Variants in DNAH11 observed in about 807,000 individuals in gnomAD.
DNAH11 encodes axonemal beta dynein heavy chain 11.
A neutral mutation model predicts 526.0 loss-of-function variants in DNAH11; 442 were observed. The ratio of observed to expected loss-of-function variants is 0.84; its 90% CI spans 0.78 to 0.91. The LOEUF (loss-of-function observed/expected upper bound fraction) is 0.91. Ranked by LOEUF, DNAH11 falls within the 40% of genes least tolerant of loss-of-function variation. DNAH11 has a pLI of 0.00. For synonymous variants in DNAH11, 2,461 were observed against 1,935.9 expected (o/e 1.27, Z -7.12); for missense variants, 6,989 against 5,448.7 (o/e 1.28, Z -8.90).
intron 61 of DNAH11, among the ~76,000 whole-genome samples, chr7:21,789,862 CCTTCCT>C (rs1257067912): frequency 6.9e-4 from 46 of 66,576 alleles, no homozygotes; most frequent in East Asian, 1.8e-3. Flanking sequence ...CTCTCTCCTT[CCTTCCT>C]TTTCTTTCTT....
intron 14 of DNAH11, among the ~76,000 whole-genome samples, chr7:21,595,864 T>C (rs573261297): frequency 6.6e-6 from 1 of 151,538 alleles, no homozygotes; most frequent in African/African-American, 2.4e-5. Flanking sequence ...CCACCATTCT[T>C]CTCTTAGGAG....
chr7:21,576,799 TATG>T (rs1159818306), intron 8 of DNAH11, among the ~76,000 whole-genome samples: 13 of 152,204 alleles, frequency 8.5e-5, no homozygotes, highest in African/African-American at 1.2e-4. Context: ...GTATATATAT[TATG>T]ATGTTTATAA....
Position 21,778,963 on chromosome 7 carries a change from A to G in DNAH11, c.9342A>G (p.Gly3114=). The change falls in exon 57 of 82, where the codon GGA becomes GGG. Residue 3114 remains glycine, a synonymous_variant. Transcript: ENST00000409508. The part of the protein sequence containing the change: ...QKLKTTASQV[G]DLKARLASQE... ...AATAATGACTTTTGCTTTAGGTGGG[A>G]GATCTAAAAGCCAGACTTGCCTCTC... 2 of 1,612,960 alleles carry G rather than the reference A, an allele frequency of 1.2e-6. No homozygotes were observed. Among genetic ancestry groups the G allele is most frequent in the Middle Eastern group, 3.3e-4 (2 of 6,054 alleles).
chr7:21,730,483 A>G (rs1341050305), intron 45 of DNAH11, among the ~76,000 whole-genome samples: 2 of 152,252 alleles, frequency 1.3e-5, no homozygotes, highest in African/African-American at 4.8e-5. Context: ...CAAACATTTC[A>G]GATAAGGGAT....
chr7:21,652,643 A>G lies in DNAH11; in HGVS notation c.4945-3189A>G, dbSNP rs576740448. Among the ~76,000 whole-genome samples, 10 of 152,290 alleles carry G rather than the reference A, an allele frequency of 6.6e-5. No individual in the cohort carries two copies. The East Asian group carries it at 1.9e-3, about 29-fold the overall frequency. On this transcript the variant is annotated intron_variant, in intron 28 of 81. Coordinates refer to ENST00000409508, the MANE Select transcript of DNAH11 (RefSeq NM_001277115.2). ...CATTGTCCCATCGTAGGTTTCTCCC[A>G]TTGATCATTCAGATTGCATAACGTG...
chr7:21,717,443 C>T (rs1784709132), intron 42 of DNAH11, among the ~76,000 whole-genome samples: 1 of 152,148 alleles, frequency 6.6e-6, no homozygotes, highest in South Asian at 2.1e-4. Context: ...ATAAGGCCTA[C>T]ACTATGGGAA....
In DNAH11 at chr7:21,589,344, C is replaced by G. The variant is rs778456271; in HGVS notation, c.2110C>G (p.Gln704Glu). Residue 704 changes from glutamine (Q) to glutamate (E), a missense_variant, in exon 12 of 82, where the codon CAA (glutamine) becomes GAA (glutamate). Physicochemically the swap from Gln to Glu is conservative, Grantham distance 29. Coordinates refer to ENST00000409508, the MANE Select transcript of DNAH11 (RefSeq NM_001277115.2). The part of the protein sequence containing the change: ...VDEICEFNLN[Q>E]PLVKFSAING... Reference sequence around the variant, plus strand: ...TGAAATCTGTGAATTCAATTTGAATCAACCCTTGGTTAAATTCAGTGCCAT... The same window carrying G: ...TGAAATCTGTGAATTCAATTTGAATGAACCCTTGGTTAAATTCAGTGCCAT... 3.1e-6 allele frequency: 5 copies of G among 1,609,568 alleles called. No homozygotes were observed. Among genetic ancestry groups the G allele is most frequent in the Non-Finnish European group, 4.2e-6 (5 of 1,178,188 alleles).
chr7:21,812,448 C>T (rs1443769479), intron 63 of DNAH11, among the ~76,000 whole-genome samples: 1 of 151,942 alleles, frequency 6.6e-6, no homozygotes, highest in Admixed American at 6.6e-5. Flanking sequence ...GCAAGAGGAT[C>T]TCTTGAGGCC....
intron 2 of DNAH11, among the ~76,000 whole-genome samples, chr7:21,552,846 G>C (rs966348908): frequency 1.3e-5 from 2 of 152,084 alleles, no homozygotes; most frequent in Non-Finnish European, 2.9e-5. Flanking sequence ...TGTTCATAGG[G>C]TATCTTACTG....
chr7:21,588,349 G>T, intron 10 of DNAH11, 148 bp downstream of exon 10: 2 of 1,328,658 alleles, frequency 1.5e-6, no homozygotes, highest in African/African-American at 2.9e-5. Context: ...CATGGAGATG[G>T]TAAACTTGCT....
Position 21,890,040 on chromosome 7 carries a change from G to C in DNAH11, c.12508-2385G>C, listed in dbSNP as rs1047019444. Among the ~76,000 whole-genome samples the C allele has an allele frequency of 4.6e-5, 7 of 152,116 alleles. No homozygotes were observed. The South Asian group carries it at 8.3e-4, about 18-fold the overall frequency. ...ATACTAAAATCAAGTCTGCTGCTAG[G>C]GTACGAGGAAGACCAAAACTTACAT... On this transcript the variant is annotated intron_variant, in intron 76 of 81. Transcript: ENST00000409508.
At chr7:21,767,383 G>T (rs998415691) in intron 55 of DNAH11, among the ~76,000 whole-genome samples, 3 of 152,092 alleles carry the variant, frequency 2.0e-5, no homozygotes, top group South Asian at 2.1e-4. Context: ...TTGCTACTCT[G>T]TGCAGGCTTT....
intron 61 of DNAH11, 32 bp from the exon 62 acceptor site, chr7:21,801,105 A>C (rs777847103): frequency 6.3e-7 from 1 of 1,578,256 alleles, no homozygotes; most frequent in Admixed American, 1.8e-5. Context: ...TTAACTAAAA[A>C]TGACTCAAAA....
intron 61 of DNAH11, among the ~76,000 whole-genome samples, chr7:21,795,880 A>G (rs755639091): frequency 2.0e-5 from 3 of 152,204 alleles, no homozygotes; most frequent in Non-Finnish European, 1.5e-5. Flanking sequence ...TTGGAGGAGC[A>G]GTTTCCTCTT....
intron 74 of DNAH11, among the ~76,000 whole-genome samples, chr7:21,875,846 G>A (rs2390595): frequency 0.44 from 65,431 of 148,386 alleles, 15,869 homozygotes; most frequent in African/African-American, 0.65. Flanking sequence ...TTTATTAGAA[G>A]GGCTTTTAGG....
At chr7:21,837,039 G>C (rs1195888530) in intron 65 of DNAH11, among the ~76,000 whole-genome samples, 1 of 151,936 alleles carries the variant, frequency 6.6e-6, no homozygotes, top group Non-Finnish European at 1.5e-5. Flanking sequence ...AAACCATAAT[G>C]AAATATCATT....
intron 25 of DNAH11, among the ~76,000 whole-genome samples, chr7:21,633,317 A>G (rs999919643): frequency 1.3e-5 from 2 of 152,202 alleles, no homozygotes; most frequent in Non-Finnish European, 2.9e-5. Flanking sequence ...GTCGATGTCC[A>G]TTAGGTCTAT....
At chr7:21,705,177 C>G (rs1030428260) in intron 38 of DNAH11, among the ~76,000 whole-genome samples, 2 of 152,110 alleles carry the variant, frequency 1.3e-5, no homozygotes, top group African/African-American at 4.8e-5. Context: ...AGTGTTTGTT[C>G]AAAACTCATG....
chr7:21,797,167 C>G (rs1788756106), intron 61 of DNAH11, among the ~76,000 whole-genome samples: 1 of 151,672 alleles, frequency 6.6e-6, no homozygotes, highest in South Asian at 2.1e-4. Context: ...GAAACTTAAT[C>G]TTACTTATTT....
Sources: gnomAD v4.1 joint callset for allele counts (sites outside exome capture counted in the v4.1 genomes callset) on GRCh38, gnomAD v4.1.1 for gene constraint, MANE v1.5 for transcripts, NCBI Gene and HGNC (gene_info 2026-07-23, HGNC 2026-07-21) for gene names.